DPYD: variants seen among roughly 807,000 people sequenced by gnomAD.
The protein encoded by DPYD is dihydropyrimidine dehydrogenase.
Under a neutral mutation model 116.2 loss-of-function variants are expected in DPYD, and 109 were observed. The ratio of observed to expected loss-of-function variants is 0.94; its 90% CI spans 0.80 to 1.10. The LOEUF is 1.10. DPYD is among the 50% of genes least tolerant of loss of function. DPYD has a pLI of 0.00. For missense variants in DPYD, 1,302 were observed against 1,254.5 expected (o/e 1.04, Z -0.57); for synonymous variants, 440 against 432.0 (o/e 1.02, Z -0.23).
intron 7 of DPYD, among the ~76,000 whole-genome samples, chr1:97,686,721 A>G (rs1265573365): frequency 3.3e-5 from 5 of 151,192 alleles, no homozygotes; most frequent in Non-Finnish European, 7.4e-5. Context: ...AGGAAATACC[A>G]TTCAGGACAT....
chr1:97,705,284 C>A (rs1230897362), intron 5 of DPYD, among the ~76,000 whole-genome samples: 1 of 151,992 alleles, frequency 6.6e-6, no homozygotes, highest in Non-Finnish European at 1.5e-5. Flanking sequence ...CCTCCCCGCT[C>A]CCCCCAACCA....
chr1:97,743,382 C>G (rs947552391), intron 3 of DPYD, among the ~76,000 whole-genome samples: 2 of 152,114 alleles, frequency 1.3e-5, no homozygotes, highest in Non-Finnish European at 2.9e-5. Context: ...ACTCTGACAG[C>G]TCAGTAATTA....
intron 3 of DPYD, among the ~76,000 whole-genome samples, chr1:97,767,100 A>G (rs1427848314): frequency 1.3e-5 from 2 of 152,202 alleles, no homozygotes; most frequent in Non-Finnish European, 2.9e-5. Context: ...GGTGATTGCT[A>G]GGTAGCTCCT....
chr1:97,828,087 A>G (rs1457462104), intron 3 of DPYD, 27 bp downstream of exon 3: 6 of 1,602,480 alleles, frequency 3.7e-6, no homozygotes, highest in Non-Finnish European at 5.1e-6. Flanking sequence ...CACATCTGTG[A>G]CTGTTGCTAT....
intron 1 of DPYD, among the ~76,000 whole-genome samples, chr1:97,908,053 C>G (rs1673732005): frequency 6.6e-6 from 1 of 151,808 alleles, no homozygotes; most frequent in South Asian, 2.1e-4. Context: ...TTTTTTTCCC[C>G]TTTCTTTTTG....
At chr1:97,565,895 C>A (rs1034760129) in intron 11 of DPYD, among the ~76,000 whole-genome samples, 1 of 152,098 alleles carries the variant, frequency 6.6e-6, no homozygotes, top group South Asian at 2.1e-4. Flanking sequence ...AAAATTCAGA[C>A]CATCATTTAC....
chr1:97,376,666 A>G (rs542813637), intron 15 of DPYD, among the ~76,000 whole-genome samples: 1 of 152,278 alleles, frequency 6.6e-6, no homozygotes, highest in South Asian at 2.1e-4. Flanking sequence ...TGTTAAATTA[A>G]CTGAAATTGG....
At chr1:97,309,155 T>G (rs1284789589) in intron 16 of DPYD, among the ~76,000 whole-genome samples, 1 of 151,910 alleles carries the variant, frequency 6.6e-6, no homozygotes, top group Non-Finnish European at 1.5e-5. Context: ...TCACTGGTAA[T>G]TCTGTGAAAA....
intron 3 of DPYD, among the ~76,000 whole-genome samples, chr1:97,784,935 C>G (rs1350889353): frequency 6.6e-6 from 1 of 152,138 alleles, no homozygotes; most frequent in African/African-American, 2.4e-5. Flanking sequence ...GCCCTGGTTA[C>G]TTTTGTGTGA....
At chr1:97,730,684 T>G (rs1663542365) in intron 4 of DPYD, among the ~76,000 whole-genome samples, 1 of 152,050 alleles carries the variant, frequency 6.6e-6, no homozygotes, top group Non-Finnish European at 1.5e-5. Context: ...GCAATAAATT[T>G]TATAAGAAAT....
chr1:97,206,646 A>ATGTATGTGTGTG (rs10651231), intron 19 of DPYD, among the ~76,000 whole-genome samples: 1 of 42,032 alleles, frequency 2.4e-5, no homozygotes, highest in African/African-American at 2.2e-4. Context: ...TTTTATATAT[A>ATGTATGTGTGTG]TATATATATA....
At chr1:97,375,200 G>A (rs77621792) in intron 15 of DPYD, among the ~76,000 whole-genome samples, 6,857 of 152,204 alleles carry the variant, frequency 0.045, 262 homozygotes, top group East Asian at 0.17. Flanking sequence ...TATTTTAACA[G>A]GTTTATCACA....
intron 11 of DPYD, among the ~76,000 whole-genome samples, chr1:97,570,558 T>C (rs1462726260): frequency 6.6e-6 from 1 of 151,932 alleles, no homozygotes; most frequent in Non-Finnish European, 1.5e-5. Context: ...CTTTATACCA[T>C]AGTATAAGAT....
intron 3 of DPYD, among the ~76,000 whole-genome samples, chr1:97,816,279 A>G (rs1291808385): frequency 6.6e-6 from 1 of 151,828 alleles, no homozygotes; most frequent in Admixed American, 6.6e-5. Context: ...TTTCACTCAA[A>G]AAAAGAGAAA....
intron 3 of DPYD, among the ~76,000 whole-genome samples, chr1:97,806,575 C>T (rs949934174): frequency 1.3e-5 from 2 of 151,932 alleles, no homozygotes; most frequent in South Asian, 2.1e-4. Context: ...CATATTTCTG[C>T]TACCCCCACA....
At chr1:97,219,329 A>T (rs1660633449) in intron 19 of DPYD, among the ~76,000 whole-genome samples, 1 of 152,192 alleles carries the variant, frequency 6.6e-6, no homozygotes, top group Non-Finnish European at 1.5e-5. Flanking sequence ...ATCTATTCTC[A>T]TCTGAACCCT....
At chr1:97,468,529 T>C (rs61789175) in intron 13 of DPYD, among the ~76,000 whole-genome samples, 3,761 of 152,272 alleles carry the variant, frequency 0.025, 72 homozygotes, top group Non-Finnish European at 0.04. Flanking sequence ...AATTTGCCAG[T>C]GCGTTAAACT....
At position 97,897,275 on chromosome 1, in the gene DPYD, T is replaced by C. The variant is rs7518354; in HGVS notation, c.40-13901A>G. ...TAAATCTGCTATTGCTTTATCTTTG[T>C]TCTTCTGTATCCAGTACACCTGTTT... On this transcript the variant is annotated intron_variant, in intron 1 of 22. Transcript: ENST00000370192. 6.9e-3 allele frequency among the ~76,000 whole-genome samples: 1,054 copies of C among 152,044 alleles called. 10 individuals carry two copies. The highest frequency in any genetic ancestry group is 0.024 in the African/African-American group (985 of 41,534).
intron 8 of DPYD, among the ~76,000 whole-genome samples, chr1:97,658,456 A>G (rs1245280178): frequency 6.6e-6 from 1 of 152,198 alleles, no homozygotes; most frequent in Non-Finnish European, 1.5e-5. Flanking sequence ...CATTGAAAAC[A>G]CTAAGCCACA....
Sources: allele counts gnomAD v4.1 joint callset (sites outside exome capture counted in the v4.1 genomes callset), GRCh38; gene constraint gnomAD v4.1.1; transcripts MANE v1.5; gene names NCBI Gene and HGNC (gene_info 2026-07-23, HGNC 2026-07-21).